Variants in SCN2A observed in about 807,000 individuals in gnomAD.
The protein encoded by SCN2A is sodium channel protein type 2 subunit alpha.
A neutral mutation model predicts 188.7 loss-of-function variants in SCN2A; 20 were observed. The ratio of observed to expected loss-of-function variants is 0.11; its 90% CI spans 0.07 to 0.15. SCN2A has a LOEUF of 0.15. SCN2A is among the 10% of genes least tolerant of loss of function. SCN2A has a pLI of 1.00. For missense variants in SCN2A, 1,278 were observed against 2,445.0 expected, an observed-to-expected ratio of 0.52 and a Z score of 10.07; for synonymous variants, 804 against 833.1, an observed-to-expected ratio of 0.97 and a Z score of 0.60.
At chr2:165,312,145 C>A (rs1444135019) in intron 8 of SCN2A, 57 bp downstream of exon 8, 4 of 1,264,754 alleles carry the variant, frequency 3.2e-6, no homozygotes, top group Non-Finnish European at 4.6e-6. Context: ...TGTCAATAAC[C>A]TGCCACCTCC....
chr2:165,371,848 G>A (rs2892961), intron 20 of SCN2A: 58,481 of 151,934 alleles, frequency 0.38, 11,598 homozygotes, highest in East Asian at 0.54. Context: ...ATAGAAAGGA[G>A]ATTTATTTAG....
chr2:165,332,938 G>T, intron 14 of SCN2A, among the ~76,000 whole-genome samples: 1 of 152,054 alleles, frequency 6.6e-6, no homozygotes, highest in East Asian at 1.9e-4. Context: ...CTCTGGCTGG[G>T]CATTTTCCTA....
chr2:165,292,497 A>G (rs1027272490), intron 1 of SCN2A, among the ~76,000 whole-genome samples: 3 of 152,040 alleles, frequency 2.0e-5, no homozygotes, highest in African/African-American at 7.3e-5. Flanking sequence ...ACCCACTTAT[A>G]GTCCACGGTG....
intron 1 of SCN2A, among the ~76,000 whole-genome samples, chr2:165,283,521 G>T (rs552378506): frequency 2.0e-5 from 3 of 152,286 alleles, no homozygotes; most frequent in Admixed American, 2.0e-4. Context: ...GCATGTGAAG[G>T]TATTGAGAAA....
chr2:165,260,239 G>A (rs570376599), intron 1 of SCN2A, among the ~76,000 whole-genome samples: 2 of 152,176 alleles, frequency 1.3e-5, no homozygotes, highest in South Asian at 2.1e-4. Flanking sequence ...CACTGCGCCC[G>A]GCCAAAATGG....
At chr2:165,385,784 T>C (rs1701837177) in intron 25 of SCN2A, among the ~76,000 whole-genome samples, 1 of 152,122 alleles carries the variant, frequency 6.6e-6, no homozygotes, top group South Asian at 2.1e-4. Flanking sequence ...TGAGAGAATA[T>C]AAAGTCAGAA....
chr2:165,280,993 A>G (rs1695560870), intron 1 of SCN2A, among the ~76,000 whole-genome samples: 1 of 152,232 alleles, frequency 6.6e-6, no homozygotes, highest in Non-Finnish European at 1.5e-5. Context: ...AGGCCAAGGC[A>G]GGAGAATTGC....
intron 19 of SCN2A, among the ~76,000 whole-genome samples, chr2:165,368,109 T>G (rs1700825456): frequency 6.6e-6 from 1 of 152,150 alleles, no homozygotes; most frequent in Non-Finnish European, 1.5e-5. Context: ...GGGATTTTAT[T>G]GCCAGCGAAA....
intron 11 of SCN2A, among the ~76,000 whole-genome samples, chr2:165,321,855 G>A (rs909972547): frequency 3.3e-5 from 5 of 152,184 alleles, no homozygotes; most frequent in African/African-American, 1.2e-4. Flanking sequence ...TAAAAACCTA[G>A]ATATTAGTAG....
chr2:165,332,755 T>C (rs1324433894), intron 14 of SCN2A, among the ~76,000 whole-genome samples: 2 of 151,974 alleles, frequency 1.3e-5, no homozygotes, highest in Admixed American at 1.3e-4. Context: ...AGGTAATATA[T>C]TGTGATCCAA....
chr2:165,317,369 A>AGG (rs796390330), intron 11 of SCN2A, among the ~76,000 whole-genome samples: 52 of 119,966 alleles, frequency 4.3e-4, no homozygotes, highest in African/African-American at 1.6e-3. Flanking sequence ...GGAGGGAGGG[A>AGG]GGGGGGAGAG....
chr2:165,344,521 A>G (rs760370055), intron 15 of SCN2A, 34 bp from the exon 16 acceptor site: 3 of 1,352,002 alleles, frequency 2.2e-6, no homozygotes, highest in Non-Finnish European at 2.9e-6. Context: ...TTAGAAATGC[A>G]GAGCATTAAC....
At chr2:165,295,161 G>A (rs1002404265) in intron 1 of SCN2A, among the ~76,000 whole-genome samples, 1 of 152,084 alleles carries the variant, frequency 6.6e-6, no homozygotes, top group African/African-American at 2.4e-5. Flanking sequence ...ACACAACCAG[G>A]CATCTTCTGC....
chr2:165,370,318 G>C lies in SCN2A; in HGVS notation c.3849+19G>C, dbSNP rs757122778. On this transcript the variant is annotated intron_variant, in intron 20 of 26. Transcript: ENST00000375437. Reference sequence around the variant, plus strand: ...TGTTGATGTGAGTATGCTGCACTTTGCTGCTTTATTCATTGGCATATATGT... The same window carrying C: ...TGTTGATGTGAGTATGCTGCACTTTCCTGCTTTATTCATTGGCATATATGT... The C allele has an allele frequency of 1.2e-6, 2 of 1,613,552 alleles. No homozygotes were observed. Among genetic ancestry groups the C allele is most frequent in the African/African-American group, 2.7e-5 (2 of 74,904 alleles).
At chr2:165,381,495 C>T (rs931725749) in intron 25 of SCN2A, among the ~76,000 whole-genome samples, 2 of 144,188 alleles carry the variant, frequency 1.4e-5, no homozygotes, top group African/African-American at 2.4e-5. Flanking sequence ...CTTCTAATAA[C>T]ATCAAAAATA....
At chr2:165,285,183 C>T (rs947850144) in intron 1 of SCN2A, 1 of 152,826 alleles carries the variant, frequency 6.5e-6, no homozygotes, top group Non-Finnish European at 1.5e-5. Context: ...GTTGGTCAAG[C>T]ATTTTGAACA....
At chr2:165,294,627 AGATT>A (rs1696400724) in intron 1 of SCN2A, among the ~76,000 whole-genome samples, 1 of 152,178 alleles carries the variant, frequency 6.6e-6, no homozygotes, top group Non-Finnish European at 1.5e-5. Context: ...GGGGTGAAAT[AGATT>A]GATTTTTTGA....
chr2:165,323,116 C>G, intron 11 of SCN2A, 40 bp from the exon 12 acceptor site: 2 of 1,562,256 alleles, frequency 1.3e-6, no homozygotes, highest in Non-Finnish European at 1.8e-6. Flanking sequence ...GCTCTTAACT[C>G]TCTTCATCTC....
chr2:165,258,557 A>G (rs1694431070), intron 1 of SCN2A, among the ~76,000 whole-genome samples: 1 of 152,244 alleles, frequency 6.6e-6, no homozygotes, highest in African/African-American at 2.4e-5. Context: ...AAGAATAACC[A>G]TTCAACCCAG....
Sources: allele counts gnomAD v4.1 joint callset (sites outside exome capture counted in the v4.1 genomes callset), GRCh38; gene constraint gnomAD v4.1.1; transcripts MANE v1.5; gene names NCBI Gene and HGNC (gene_info 2026-07-23, HGNC 2026-07-21).